CNTNAP5: variants seen among roughly 807,000 people sequenced by gnomAD.
CNTNAP5 encodes contactin associated protein family member 5.
A neutral mutation model predicts 150.2 loss-of-function variants in CNTNAP5; 72 were observed. That is an observed-to-expected ratio of 0.48 (90% CI 0.40 to 0.58). The LOEUF is 0.58. Among genes scored for constraint, CNTNAP5 ranks in the 20% least tolerant of loss-of-function variants. The probability of loss-of-function intolerance (pLI) is 0.00; values close to 1 mark genes in which losing one functional copy is unlikely to be tolerated. For missense variants in CNTNAP5, 1,636 were observed against 1,626.2 expected, an observed-to-expected ratio of 1.01 and a Z score of -0.10; for synonymous variants, 672 against 619.8, an observed-to-expected ratio of 1.08 and a Z score of -1.25.
chr2:124,246,149 A>G (rs1021643491), intron 3 of CNTNAP5, among the ~76,000 whole-genome samples: 2 of 152,182 alleles, frequency 1.3e-5, no homozygotes, highest in African/African-American at 4.8e-5. Flanking sequence ...CAAACAATAC[A>G]TAGCACATCC....
intron 13 of CNTNAP5, among the ~76,000 whole-genome samples, chr2:124,661,900 A>G (rs1286237578): frequency 6.6e-6 from 1 of 152,084 alleles, no homozygotes. Flanking sequence ...GTTCTAGGTT[A>G]CATGTGCAGA....
At chr2:124,792,038 G>T (rs1191652463) in intron 18 of CNTNAP5, among the ~76,000 whole-genome samples, 4 of 152,102 alleles carry the variant, frequency 2.6e-5, no homozygotes, top group Non-Finnish European at 5.9e-5. Flanking sequence ...GAAGCCAGTG[G>T]CTACAAGATG....
At chr2:124,034,523 C>T (rs1388096469) in intron 1 of CNTNAP5, among the ~76,000 whole-genome samples, 1 of 152,208 alleles carries the variant, frequency 6.6e-6, no homozygotes, top group Non-Finnish European at 1.5e-5. Flanking sequence ...TTCTGGATCC[C>T]TCACTTAGTT....
intron 12 of CNTNAP5, among the ~76,000 whole-genome samples, chr2:124,643,898 T>A (rs1343480025): frequency 6.6e-6 from 1 of 152,242 alleles, no homozygotes; most frequent in African/African-American, 2.4e-5. Context: ...GTGCCATTGC[T>A]GCTTTTCAAA....
chr2:124,081,178 TC>T (rs985248092), intron 1 of CNTNAP5, among the ~76,000 whole-genome samples: 27 of 152,272 alleles, frequency 1.8e-4, no homozygotes, highest in African/African-American at 6.5e-4. Flanking sequence ...GTTTTTTTTT[TC>T]TAATACACAC....
At chr2:124,873,047 T>C (rs7580061) in intron 21 of CNTNAP5, among the ~76,000 whole-genome samples, 2,372 of 152,128 alleles carry the variant, frequency 0.016, 58 homozygotes, top group African/African-American at 0.054. Context: ...GGGTAATTTA[T>C]AAAGAAAAAA....
intron 13 of CNTNAP5, among the ~76,000 whole-genome samples, chr2:124,709,216 GGTGTGT>G (rs372309041): frequency 7.2e-6 from 1 of 138,584 alleles, no homozygotes; most frequent in African/African-American, 2.7e-5. Context: ...GGGGAGGGAG[GGTGTGT>G]GTGTGTGTGC....
intron 3 of CNTNAP5, among the ~76,000 whole-genome samples, chr2:124,294,075 G>T (rs1688364025): frequency 6.7e-6 from 1 of 149,254 alleles, no homozygotes; most frequent in Non-Finnish European, 1.5e-5. Context: ...AGGAGGCTGG[G>T]TGTCTTGTAT....
At chr2:124,719,480 G>A (rs1003277234) in intron 13 of CNTNAP5, among the ~76,000 whole-genome samples, 1 of 152,058 alleles carries the variant, frequency 6.6e-6, no homozygotes, top group African/African-American at 2.4e-5. Context: ...TCACAGGATC[G>A]GGAAGGAAGA....
At chr2:124,649,099 ATCTT>A (rs964182446) in intron 13 of CNTNAP5, among the ~76,000 whole-genome samples, 1 of 152,132 alleles carries the variant, frequency 6.6e-6, no homozygotes, top group Non-Finnish European at 1.5e-5. Context: ...TGAAATGAAA[ATCTT>A]TCTCAAATGG....
At chr2:124,614,524 G>A (rs1272111599) in intron 12 of CNTNAP5, among the ~76,000 whole-genome samples, 2 of 152,178 alleles carry the variant, frequency 1.3e-5, no homozygotes, top group Non-Finnish European at 2.9e-5. Flanking sequence ...TTCCAGGAAA[G>A]TGGTGGGCAG....
intron 8 of CNTNAP5, among the ~76,000 whole-genome samples, chr2:124,519,912 C>A (rs796141465): frequency 3.3e-5 from 5 of 152,226 alleles, no homozygotes; most frequent in African/African-American, 1.2e-4. Flanking sequence ...AATTCCAGCA[C>A]CTGAGAGAAG....
intron 13 of CNTNAP5, among the ~76,000 whole-genome samples, chr2:124,737,496 G>C (rs1360901277): frequency 2.0e-5 from 3 of 152,146 alleles, no homozygotes; most frequent in African/African-American, 7.2e-5. Flanking sequence ...ACAGCTGGAG[G>C]GCAGGGCACA....
Position 124,207,880 on chromosome 2 carries a change from C to T in CNTNAP5, c.83-13825C>T, listed in dbSNP as rs995987210. On this transcript the variant is annotated intron_variant, in intron 1 of 23. Transcript: ENST00000682447. ...ACTCTAAATACAACTTAAACTTTAT[C>T]GATGCTTTTAAATTACAGCACTGAA... 3.3e-5 allele frequency among the ~76,000 whole-genome samples: 5 copies of T among 152,276 alleles called. 1 individual carries two copies. Among genetic ancestry groups the T allele is most frequent in the South Asian group, 4.1e-4 (2 of 4,826 alleles).
intron 7 of CNTNAP5, among the ~76,000 whole-genome samples, chr2:124,494,062 C>CTGTGTG (rs111834196): frequency 4.5e-5 from 5 of 110,640 alleles, no homozygotes; most frequent in African/African-American, 1.7e-4. Context: ...CAATAGGAGA[C>CTGTGTG]TGTGTGTGTG....
intron 3 of CNTNAP5, among the ~76,000 whole-genome samples, chr2:124,299,012 A>G (rs1688507960): frequency 6.6e-6 from 1 of 152,218 alleles, no homozygotes; most frequent in South Asian, 2.1e-4. Flanking sequence ...GCCATGAAAA[A>G]TAAGTCTCGC....
intron 21 of CNTNAP5, among the ~76,000 whole-genome samples, chr2:124,897,312 A>G (rs184923965): frequency 6.6e-6 from 1 of 151,626 alleles, no homozygotes; most frequent in East Asian, 1.9e-4. Flanking sequence ...TCCCTCTACT[A>G]TAAGATTTAT....
intron 19 of CNTNAP5, among the ~76,000 whole-genome samples, chr2:124,837,062 T>G (rs1444574722): frequency 6.6e-6 from 1 of 151,922 alleles, no homozygotes; most frequent in Non-Finnish European, 1.5e-5. Flanking sequence ...TTCACAGGCC[T>G]GATTTTACCA....
In CNTNAP5 at chr2:124,431,737, TATAA is replaced by T. The variant is rs1692394166; in HGVS notation, c.530-2743_530-2740del. 1.3e-5 allele frequency among the ~76,000 whole-genome samples: 2 copies of T among 149,336 alleles called. 1 individual carries two copies. The highest frequency in any genetic ancestry group is 4.2e-4 in the South Asian group (2 of 4,798). On this transcript the variant is annotated intron_variant, in intron 4 of 23. Coordinates refer to ENST00000682447, the MANE Select transcript of CNTNAP5 (RefSeq NM_001367498.1). Reference sequence around the variant, plus strand: ...AAATATTATATGTAATATTTATTTATATAAATATTAATCCAAATTCTCTCACTGC... The same window carrying T: ...AAATATTATATGTAATATTTATTTATATATTAATCCAAATTCTCTCACTGC...
Sources: gnomAD v4.1 joint callset for allele counts (sites outside exome capture counted in the v4.1 genomes callset) on GRCh38, gnomAD v4.1.1 for gene constraint, MANE v1.5 for transcripts, NCBI Gene and HGNC (gene_info 2026-07-23, HGNC 2026-07-21) for gene names.